The following DTNBP1 variants were observed in gnomAD, a reference collection of about 807,000 sequenced individuals.
DTNBP1 encodes the protein dysbindin.
Under a neutral mutation model 42.8 loss-of-function variants are expected in DTNBP1, and 35 were observed. The observed-to-expected ratio is 0.82, with a 90% CI of 0.63 to 1.09. DTNBP1 has a LOEUF of 1.09. DTNBP1 is among the 50% of genes least tolerant of loss of function. The probability of loss-of-function intolerance (pLI) is 0.00; values close to 1 mark genes in which losing one functional copy is unlikely to be tolerated. For synonymous variants in DTNBP1, 171 were observed against 162.2 expected (o/e 1.05, Z -0.41); for missense variants, 457 against 424.2 (o/e 1.08, Z -0.68).
intron 7 of DTNBP1, among the ~76,000 whole-genome samples, chr6:15,582,558 T>C (rs1775886847): frequency 6.6e-6 from 1 of 152,200 alleles, no homozygotes; most frequent in African/African-American, 2.4e-5. Flanking sequence ...CTGTGCCACA[T>C]TAATTTTACT....
In DTNBP1 at chr6:15,638,832, C is replaced by G. The variant is rs73724452; in HGVS notation, c.162-1028G>C. Among the ~76,000 whole-genome samples, 1,101 of 134,070 alleles carry G rather than the reference C, an allele frequency of 8.2e-3. 21 individuals are homozygous for G. Among genetic ancestry groups the G allele is most frequent in the African/African-American group, 0.031 (1,047 of 33,340 alleles). 88.0% of individuals were successfully genotyped at this position (134,070 alleles called of 152,430 possible). Reference sequence around the variant, plus strand: ...CATAGACATTTTGAAACATAATTGGCCAGTACTTTTTTTTTTTTTTTTTGA... The same window carrying G: ...CATAGACATTTTGAAACATAATTGGGCAGTACTTTTTTTTTTTTTTTTTGA... On this transcript the variant is annotated intron_variant, in intron 3 of 9. Coordinates refer to ENST00000344537, the MANE Select transcript of DTNBP1 (RefSeq NM_032122.5).
chr6:15,660,468 T>A, intron 1 of DTNBP1: 3 of 1,289,794 alleles, frequency 2.3e-6, no homozygotes, highest in Non-Finnish European at 2.0e-6. Context: ...CTCCACCAGG[T>A]GACAGGCTAA....
intron 6 of DTNBP1, among the ~76,000 whole-genome samples, chr6:15,614,124 T>C (rs1758585052): frequency 6.6e-6 from 1 of 152,186 alleles, no homozygotes; most frequent in South Asian, 2.1e-4. Context: ...GATTGAGAAC[T>C]TGTGTTCTAA....
At chr6:15,661,007 C>T (rs545385117) in intron 1 of DTNBP1, among the ~76,000 whole-genome samples, 60 of 152,234 alleles carry the variant, frequency 3.9e-4, no homozygotes, top group African/African-American at 1.4e-3. Context: ...AATGCAAGCA[C>T]GCAAGCACAC....
At chr6:15,654,625 C>T (rs538920751) in intron 1 of DTNBP1, among the ~76,000 whole-genome samples, 1 of 151,836 alleles carries the variant, frequency 6.6e-6, no homozygotes, top group East Asian at 1.9e-4. Flanking sequence ...ATCTCCTCCC[C>T]GCCACCGACA....
intron 6 of DTNBP1, among the ~76,000 whole-genome samples, chr6:15,612,579 T>C (rs1045708841): frequency 6.6e-6 from 1 of 152,220 alleles, no homozygotes; most frequent in African/African-American, 2.4e-5. Context: ...GCACAAGTAA[T>C]AATACGAGTT....
intron 5 of DTNBP1, among the ~76,000 whole-genome samples, chr6:15,622,362 T>C (rs971333588): frequency 6.6e-6 from 1 of 152,108 alleles, no homozygotes; most frequent in Non-Finnish European, 1.5e-5. Context: ...TATAAAATAA[T>C]TGCATTGAAA....
intron 7 of DTNBP1, among the ~76,000 whole-genome samples, chr6:15,558,202 T>C (rs1403723961): frequency 6.6e-6 from 1 of 151,942 alleles, no homozygotes; most frequent in African/African-American, 2.4e-5. Context: ...CATTTTGTCA[T>C]CCACAATTGT....
At chr6:15,566,699 TCC>T (rs1581332926) in intron 7 of DTNBP1, among the ~76,000 whole-genome samples, 1 of 147,592 alleles carries the variant, frequency 6.8e-6, no homozygotes, top group Non-Finnish European at 1.5e-5. Flanking sequence ...GGAATGAATC[TCC>T]TTTTTTTTTT....
In DTNBP1 at chr6:15,522,889, T is replaced by C; in HGVS notation, c.*86A>G. 2 of 1,611,676 alleles carry C rather than the reference T, an allele frequency of 1.2e-6. No homozygotes were observed. Among genetic ancestry groups the C allele is most frequent in the African/African-American group, 2.7e-5 (2 of 75,024 alleles). On this transcript the variant is annotated 3_prime_UTR_variant, in exon 10 of 10. Coordinates refer to ENST00000344537, the MANE Select transcript of DTNBP1 (RefSeq NM_032122.5). ...CAATTATGTAAAAATCAAGAACCTCTATAAAACAACCTGGCTTTCCAGGTG... is the reference window on the plus strand; with the variant it reads ...CAATTATGTAAAAATCAAGAACCTCCATAAAACAACCTGGCTTTCCAGGTG...
At chr6:15,628,155 T>C (rs1427720214) in intron 4 of DTNBP1, among the ~76,000 whole-genome samples, 1 of 152,116 alleles carries the variant, frequency 6.6e-6, no homozygotes, top group Non-Finnish European at 1.5e-5. Context: ...TGACAGACAT[T>C]AGTTTCTCCC....
Position 15,662,800 on chromosome 6 carries a change from C to G in DTNBP1, c.56+14G>C. On this transcript the variant is annotated intron_variant, in intron 1 of 9. Coordinates refer to ENST00000344537, the MANE Select transcript of DTNBP1 (RefSeq NM_032122.5). ...CCCCCTCAGGTCCCTTTTCGTCGCC[C>G]ACCGTATACCCACCCGGAGGTGAAA... The G allele has an allele frequency of 6.2e-7, 1 of 1,612,168 alleles. No individual in the cohort carries two copies. Among genetic ancestry groups the G allele is most frequent in the Non-Finnish European group, 8.5e-7 (1 of 1,179,510 alleles).
intron 3 of DTNBP1, among the ~76,000 whole-genome samples, chr6:15,642,023 C>T (rs1760390815): frequency 6.6e-6 from 1 of 152,186 alleles, no homozygotes; most frequent in Non-Finnish European, 1.5e-5. Flanking sequence ...CCAGCACATG[C>T]ACTCGGACAC....
At chr6:15,590,585 T>C (rs1776256487) in intron 7 of DTNBP1, among the ~76,000 whole-genome samples, 1 of 152,224 alleles carries the variant, frequency 6.6e-6, no homozygotes, top group South Asian at 2.1e-4. Flanking sequence ...ATTAAAAATA[T>C]AAAATAAGGA....
intron 8 of DTNBP1, among the ~76,000 whole-genome samples, chr6:15,529,818 T>C (rs1188607768): frequency 6.6e-6 from 1 of 152,228 alleles, no homozygotes; most frequent in Non-Finnish European, 1.5e-5. Context: ...AGGCAGAAGA[T>C]CAAACCTGGG....
rs775680832 is a variant in DTNBP1, at chr6:15,662,793, CG to C, written c.56+20del. 1.2e-6 allele frequency: 2 copies of C among 1,612,164 alleles called. No homozygotes were observed. Among genetic ancestry groups the C allele is most frequent in the African/African-American group, 2.7e-5 (2 of 75,002 alleles). On this transcript the variant is annotated intron_variant, in intron 1 of 9. Transcript: ENST00000344537. ...GGCCCGGCCCCCTCAGGTCCCTTTT[CG>C]TCGCCCACCGTATACCCACCCGGAG...
chr6:15,575,665 C>T (rs562117699), intron 7 of DTNBP1, among the ~76,000 whole-genome samples: 1 of 152,274 alleles, frequency 6.6e-6, no homozygotes, highest in South Asian at 2.1e-4. Flanking sequence ...AAACACTTTT[C>T]AAAATACTGT....
At chr6:15,528,036 C>G (rs767486679) in intron 8 of DTNBP1, among the ~76,000 whole-genome samples, 5 of 152,174 alleles carry the variant, frequency 3.3e-5, no homozygotes, top group Non-Finnish European at 7.3e-5. Flanking sequence ...GCAGAAAGAT[C>G]CAATACCACT....
intron 7 of DTNBP1, among the ~76,000 whole-genome samples, chr6:15,541,782 A>G (rs1231890636): frequency 1.3e-5 from 2 of 152,212 alleles, no homozygotes; most frequent in African/African-American, 4.8e-5. Flanking sequence ...AATGGGGCAT[A>G]AGGGTGGCAC....
Sources: gnomAD v4.1 joint callset for allele counts (sites outside exome capture counted in the v4.1 genomes callset) on GRCh38, gnomAD v4.1.1 for gene constraint, MANE v1.5 for transcripts, NCBI Gene and HGNC (gene_info 2026-07-23, HGNC 2026-07-21) for gene names.